The following CMTR1 variants were observed in gnomAD, a reference collection of about 807,000 sequenced individuals.
The protein encoded by CMTR1 is cap methyltransferase 1.
CMTR1 carries 39 observed loss-of-function variants against 107.0 expected under a neutral mutation model. The ratio of observed to expected loss-of-function variants is 0.36; its 90% CI spans 0.28 to 0.48. CMTR1 has a LOEUF of 0.48. CMTR1 is among the 20% of genes least tolerant of loss of function. The probability of loss-of-function intolerance (pLI) is 0.99; values close to 1 mark genes in which losing one functional copy is unlikely to be tolerated. For missense variants in CMTR1, 672 were observed against 1,064.9 expected (o/e 0.63, Z 5.14); for synonymous variants, 366 against 379.5 (o/e 0.96, Z 0.41).
In CMTR1 at chr6:37,472,374, C is replaced by A; in HGVS notation, c.1621-45C>A. On this transcript the variant is annotated intron_variant, in intron 15 of 23. Transcript: ENST00000373451. This position sits in a 1 kb window ranked among gnomAD's most constrained non-coding sequence, Gnocchi z 4.1. ...GCATATACTCATACACGGTCTTGGT[C>A]AAAAGGGCATTTGAAAGTCAAAGCT... 2.5e-6 allele frequency: 4 copies of A among 1,588,328 alleles called. No homozygotes were observed. In the South Asian group the frequency reaches 4.4e-5, roughly 18 times the overall value.
the CMTR1 span, among the ~76,000 whole-genome samples, chr6:37,424,445 C>T: frequency 2.6e-3 from 395 of 151,222 alleles, 1 homozygote; most frequent in Non-Finnish European, 4.7e-3. Context: ...AGACGGGTTT[C>T]GCCGTGTTAG....
At chr6:37,479,070 G>C in intron 22 of CMTR1, 77 bp from the exon 23 acceptor site, 1 of 988,550 alleles carries the variant, frequency 1.0e-6, no homozygotes, top group Admixed American at 1.8e-5. Flanking sequence ...ACCACCGGGA[G>C]TGGAGGAAGG....
At chr6:37,425,113 T>C in the CMTR1 span, among the ~76,000 whole-genome samples, 15 of 150,732 alleles carry the variant, frequency 1.0e-4, no homozygotes, top group Non-Finnish European at 1.5e-5. Context: ...CCAGCTAATT[T>C]TTGTATTTTT....
chr6:37,446,362 T>G lies in CMTR1; in HGVS notation c.357T>G (p.Ala119=), dbSNP rs201547601. 6.2e-7 allele frequency: 1 copy of G among 1,614,182 alleles called. No individual in the cohort carries two copies. Among genetic ancestry groups the G allele is most frequent in the East Asian group, 2.2e-5 (1 of 44,880 alleles). The change falls in exon 4 of 24, where the codon GCT becomes GCG. Residue 119 remains alanine (A), a synonymous_variant. Transcript: ENST00000373451. ...YSQGRKDIVE[A]SSQKGRRGLG... ...AGGGTCGGAAGGACATCGTTGAGGC[T>G]TCCAGTCAGAAAGGTCGAAGAGGCT... is the stretch of plus-strand genomic sequence containing the variant.
intron 10 of CMTR1, among the ~76,000 whole-genome samples, chr6:37,460,301 A>G (rs993126866): frequency 6.6e-6 from 1 of 152,144 alleles, no homozygotes; most frequent in African/African-American, 2.4e-5. Flanking sequence ...GGTGGGCAGG[A>G]TGTCAGCATG....
In CMTR1 at chr6:37,479,139, C is replaced by T. The variant is rs774927359; in HGVS notation, c.2267-8C>T. On this transcript the variant is annotated splice_region_variant and splice_polypyrimidine_tract_variant and intron_variant, in intron 22 of 23. Transcript: ENST00000373451. ...CTTCTGGGCTTCATCCCCTCTTCCT[C>T]CCATCAGAGCCCTGGACTATGGGAT... The T allele has an allele frequency of 9.3e-6, 15 of 1,606,520 alleles. No individual in the cohort carries two copies. The highest frequency in any genetic ancestry group is 1.0e-5 in the Non-Finnish European group (12 of 1,173,208).
At chr6:37,432,895 TCAAC>T (rs1466220059), upstream of CMTR1, among the ~76,000 whole-genome samples, 11 of 152,232 alleles carry the variant, frequency 7.2e-5, no homozygotes, top group Non-Finnish European at 1.5e-5. Flanking sequence ...CTGCGTTCGC[TCAAC>T]CAGTTTACCA....
intron 3 of CMTR1, among the ~76,000 whole-genome samples, chr6:37,445,683 G>T (rs1581731780): frequency 6.6e-6 from 1 of 151,742 alleles, no homozygotes; most frequent in Admixed American, 6.6e-5. Flanking sequence ...TAGAGACAGG[G>T]TTTGTTTCAC....
chr6:37,446,386 C>T lies in CMTR1; in HGVS notation c.381C>T (p.Gly127=), dbSNP rs148555410. Residue 127 remains glycine (G), a synonymous_variant, in exon 4 of 24, where the codon GGC becomes GGT. Transcript: ENST00000373451. ...VEASSQKGRR[G]LGLTLRGFDQ... ...CTTCCAGTCAGAAAGGTCGAAGAGG[C>T]TTGGGTCTGACACTCCGGGGCTTTG... is the stretch of plus-strand genomic sequence containing the variant. 119 of 1,613,982 alleles carry T rather than the reference C, an allele frequency of 7.4e-5. No homozygotes were observed. Among genetic ancestry groups the T allele is most frequent in the Admixed American group, 5.8e-4 (35 of 59,990 alleles).
intron 10 of CMTR1, among the ~76,000 whole-genome samples, chr6:37,460,828 T>C (rs1024919040): frequency 2.0e-5 from 3 of 152,196 alleles, no homozygotes; most frequent in Non-Finnish European, 4.4e-5. Flanking sequence ...AAACAGAAAC[T>C]GTACCCATTT....
upstream of CMTR1, among the ~76,000 whole-genome samples, chr6:37,431,875 G>T (rs1464287539): frequency 1.3e-5 from 2 of 152,176 alleles, no homozygotes; most frequent in Non-Finnish European, 2.9e-5. Context: ...GAGTGCAGTG[G>T]TGCAATCTCT....
intron 5 of CMTR1, among the ~76,000 whole-genome samples, chr6:37,451,335 C>T (rs961401846): frequency 2.0e-5 from 3 of 152,134 alleles, no homozygotes; most frequent in Admixed American, 6.5e-5. Flanking sequence ...TGGGGTTGCA[C>T]TTGATATCCC....
chr6:37,449,060 C>G (rs145260816), intron 4 of CMTR1, among the ~76,000 whole-genome samples: 17 of 152,286 alleles, frequency 1.1e-4, no homozygotes, highest in African/African-American at 4.1e-4. Flanking sequence ...CTCACCTCAG[C>G]CTTCTGAGTA....
intron 13 of CMTR1, among the ~76,000 whole-genome samples, chr6:37,463,316 T>A (rs2113882356): frequency 6.6e-6 from 1 of 152,280 alleles, no homozygotes; most frequent in African/African-American, 2.4e-5. Flanking sequence ...CAGGAGTAAT[T>A]TCCCTTTAAT....
At chr6:37,457,815 G>GC (rs1276432521) in intron 8 of CMTR1, among the ~76,000 whole-genome samples, 1 of 152,152 alleles carries the variant, frequency 6.6e-6, no homozygotes. Context: ...GGGTGTTAGA[G>GC]CCCCCCAGCC....
intron 12 of CMTR1, 21 bp downstream of exon 12, chr6:37,462,123 T>G: frequency 6.2e-7 from 1 of 1,614,002 alleles, no homozygotes; most frequent in African/African-American, 1.3e-5. Flanking sequence ...TCTCTCTATA[T>G]TAGCCAGATT....
In CMTR1 at chr6:37,481,401, C is replaced by T. The variant is rs1581759719; in HGVS notation, c.*1256C>T. 1 of 1,185,130 alleles carries T rather than the reference C, an allele frequency of 8.4e-7. No homozygotes were observed. Among genetic ancestry groups the T allele is most frequent in the African/African-American group, 1.6e-5 (1 of 62,494 alleles). The allele number at this position is 1,185,130 out of a possible 1,614,324, so 73.4% of individuals were successfully genotyped here. Reference sequence around the variant, plus strand: ...CCTTCAGCCAGCATCCAGCTCCCCACCCCCAGGCTGGCAGTAGCACTGCTG... The same window carrying T: ...CCTTCAGCCAGCATCCAGCTCCCCATCCCCAGGCTGGCAGTAGCACTGCTG... On this transcript the variant is annotated 3_prime_UTR_variant, in exon 24 of 24. Transcript: ENST00000373451.
chr6:37,428,025 A>AGG, the CMTR1 span, among the ~76,000 whole-genome samples: 1 of 125,988 alleles, frequency 7.9e-6, no homozygotes, highest in Non-Finnish European at 1.7e-5. Flanking sequence ...AGAGAGAGAG[A>AGG]GAGAGAGAGA....
Position 37,458,617 on chromosome 6 carries a change from A to G in CMTR1, c.783A>G (p.Pro261=), listed in dbSNP as rs1156546215. 5 of 1,613,172 alleles carry G rather than the reference A, an allele frequency of 3.1e-6. No individual in the cohort carries two copies. In the South Asian group the frequency reaches 5.5e-5, roughly 18 times the overall value. The change falls in exon 9 of 24, where the codon CCA becomes CCG. Residue 261 remains proline, a synonymous_variant. Coordinates refer to ENST00000373451, the MANE Select transcript of CMTR1 (RefSeq NM_015050.3). The surrounding 1 kb of genome is among the most constrained non-coding windows in gnomAD (Gnocchi z 4.7). The part of the protein sequence containing the change: ...FTNPRDSYGK[P]LVKDREAELL... The stretch of plus-strand genomic sequence containing the variant: ...TCCTCCACTTGCCTTTGCAGAAGCC[A>G]CTGGTGAAGGACCGGGAAGCTGAGC...
Sources: allele counts gnomAD v4.1 joint callset (sites outside exome capture counted in the v4.1 genomes callset), GRCh38; gene constraint gnomAD v4.1.1; non-coding constraint Gnocchi (gnomAD v3.1); transcripts MANE v1.5; gene names NCBI Gene and HGNC (gene_info 2026-07-23, HGNC 2026-07-21).